KLF12: variants seen among roughly 807,000 people sequenced by gnomAD.
The protein encoded by KLF12 is KLF transcription factor 12.
A neutral mutation model predicts 37.8 loss-of-function variants in KLF12; 9 were observed. The ratio of observed to expected loss-of-function variants is 0.24; its 90% CI spans 0.14 to 0.42. The LOEUF (loss-of-function observed/expected upper bound fraction) is 0.42. Among genes scored for constraint, KLF12 ranks in the 10% least tolerant of loss-of-function variants. The pLI is 1.00. For missense variants in KLF12, 411 were observed against 516.0 expected (o/e 0.80, Z 1.97); for synonymous variants, 208 against 202.1 (o/e 1.03, Z -0.25).
At chr13:73,832,802 T>C (rs114276915) in intron 4 of KLF12, among the ~76,000 whole-genome samples, 55 of 152,314 alleles carry the variant, frequency 3.6e-4, no homozygotes, top group African/African-American at 9.9e-4. Context: ...AAAGGAAATT[T>C]ATGCTTTTAA....
chr13:74,172,398 T>C, the KLF12 span, among the ~76,000 whole-genome samples: 1 of 152,126 alleles, frequency 6.6e-6, no homozygotes, highest in Admixed American at 6.5e-5. Context: ...TATTATTCTA[T>C]ATAATAAGAA....
intron 6 of KLF12, among the ~76,000 whole-genome samples, chr13:73,749,320 C>T (rs1261377939): frequency 6.6e-6 from 1 of 152,088 alleles, no homozygotes; most frequent in Non-Finnish European, 1.5e-5. Flanking sequence ...AACAACAGAG[C>T]CTGCATTTAA....
At chr13:73,764,301 C>T (rs2325560) in intron 6 of KLF12, among the ~76,000 whole-genome samples, 115,160 of 151,912 alleles carry the variant, frequency 0.76, 43,839 homozygotes, top group South Asian at 0.85. Context: ...ATATTGAGCC[C>T]ACTTTTTTTG....
intron 3 of KLF12, among the ~76,000 whole-genome samples, chr13:73,913,735 T>C (rs1888683621): frequency 6.6e-6 from 1 of 152,222 alleles, no homozygotes; most frequent in Admixed American, 6.5e-5. Flanking sequence ...AAGATTTTTA[T>C]TTTTAGAAAG....
chr13:73,820,236 CT>C (rs1883448749), intron 4 of KLF12, among the ~76,000 whole-genome samples: 1 of 152,170 alleles, frequency 6.6e-6, no homozygotes, highest in African/African-American at 2.4e-5. Flanking sequence ...ACAACACTAG[CT>C]TTTTTTCTCC....
intron 1 of KLF12, among the ~76,000 whole-genome samples, chr13:74,058,061 G>C (rs868042730): frequency 6.6e-6 from 1 of 151,146 alleles, no homozygotes; most frequent in African/African-American, 2.4e-5. Context: ...CCATCTCCCA[G>C]GTTCAAGCAA....
intron 6 of KLF12, among the ~76,000 whole-genome samples, chr13:73,764,451 AAAG>A (rs1000388696): frequency 6.7e-6 from 1 of 149,558 alleles, no homozygotes; most frequent in African/African-American, 2.5e-5. Flanking sequence ...CTCATCAGTT[AAAG>A]AAGATCTTAG....
intron 4 of KLF12, among the ~76,000 whole-genome samples, chr13:73,814,377 A>G (rs1883104837): frequency 1.3e-5 from 2 of 152,294 alleles, no homozygotes; most frequent in South Asian, 2.1e-4. Context: ...ATTACACCGA[A>G]CCACATGGAA....
chr13:73,738,018 AACAAACACACAC>A lies in KLF12; in HGVS notation c.870-22505_870-22494del, dbSNP rs1308143875. Among the ~76,000 whole-genome samples the A allele has an allele frequency of 8.8e-5, 5 of 56,912 alleles. No homozygotes were observed. In the East Asian group the frequency reaches 1.6e-3, roughly 18 times the overall value. The allele number at this position is 56,912 out of a possible 152,430, so 37.3% of individuals were successfully genotyped here. ...TAACTTCCTTAAATACACTTCATTC[AACAAACACACAC>A]ACACACACACACACACATACGTGTG... On this transcript the variant is annotated intron_variant, in intron 6 of 7. Coordinates refer to ENST00000377669, the MANE Select transcript of KLF12 (RefSeq NM_007249.5).
the KLF12 span, among the ~76,000 whole-genome samples, chr13:74,194,774 T>C: frequency 6.6e-6 from 1 of 152,204 alleles, no homozygotes; most frequent in African/African-American, 2.4e-5. Context: ...TTCTGATGTG[T>C]TTGGTTTGAG....
the KLF12 span, among the ~76,000 whole-genome samples, chr13:74,288,096 G>C: frequency 6.6e-6 from 1 of 151,790 alleles, no homozygotes; most frequent in Non-Finnish European, 1.5e-5. Context: ...AAACTGGGGA[G>C]AACTAGGCGG....
intron 4 of KLF12, among the ~76,000 whole-genome samples, chr13:73,813,529 G>C (rs773808903): frequency 3.9e-5 from 6 of 152,072 alleles, no homozygotes; most frequent in Admixed American, 1.3e-4. Context: ...TTATAGAATA[G>C]AAACTACGAA....
At chr13:73,777,508 A>G (rs954466986) in intron 5 of KLF12, among the ~76,000 whole-genome samples, 4 of 152,122 alleles carry the variant, frequency 2.6e-5, no homozygotes, top group African/African-American at 4.8e-5. Flanking sequence ...TGGGAGTTCA[A>G]GACCAGCCTG....
At chr13:74,181,014 T>A in the KLF12 span, among the ~76,000 whole-genome samples, 1 of 152,172 alleles carries the variant, frequency 6.6e-6, no homozygotes. Context: ...TCTTTTGTTT[T>A]TTTTGACGGA....
chr13:74,026,399 C>T (rs1434205398), intron 1 of KLF12, among the ~76,000 whole-genome samples: 1 of 151,984 alleles, frequency 6.6e-6, no homozygotes, highest in Non-Finnish European at 1.5e-5. Flanking sequence ...AAAACATCAC[C>T]TTGTATTATA....
chr13:73,988,625 T>G (rs1891887658), intron 2 of KLF12, among the ~76,000 whole-genome samples: 1 of 152,166 alleles, frequency 6.6e-6, no homozygotes, highest in Non-Finnish European at 1.5e-5. Flanking sequence ...CTATTCTTTA[T>G]CAACACAGAG....
At chr13:74,002,501 G>A (rs1239881081) in intron 1 of KLF12, among the ~76,000 whole-genome samples, 1 of 152,004 alleles carries the variant, frequency 6.6e-6, no homozygotes, top group Non-Finnish European at 1.5e-5. Context: ...TCAGCCTCTT[G>A]AGTAGCTGGG....
At chr13:73,838,416 A>T (rs1035760510) in intron 4 of KLF12, among the ~76,000 whole-genome samples, 1 of 152,162 alleles carries the variant, frequency 6.6e-6, no homozygotes, top group African/African-American at 2.4e-5. Flanking sequence ...TATAGTAAGA[A>T]AGCAACATTC....
At chr13:73,920,577 T>C (rs1889066629) in intron 3 of KLF12, among the ~76,000 whole-genome samples, 1 of 152,270 alleles carries the variant, frequency 6.6e-6, no homozygotes, top group East Asian at 1.9e-4. Flanking sequence ...GAATTCTCTA[T>C]CCAAACTTGC....
Sources: gnomAD v4.1 joint callset for allele counts (sites outside exome capture counted in the v4.1 genomes callset) on GRCh38, gnomAD v4.1.1 for gene constraint, MANE v1.5 for transcripts, NCBI Gene and HGNC (gene_info 2026-07-23, HGNC 2026-07-21) for gene names.